SRPK2: variants seen among roughly 807,000 people sequenced by gnomAD.
SRPK2 encodes the protein SFRS protein kinase 2.
In SRPK2, 21 loss-of-function variants were observed where a neutral mutation model predicts 90.8. The ratio of observed to expected loss-of-function variants is 0.23; its 90% CI spans 0.16 to 0.33. SRPK2 has a LOEUF of 0.33. Ranked by LOEUF, SRPK2 falls within the 10% of genes least tolerant of loss-of-function variation. SRPK2 has a pLI of 1.00. For synonymous variants in SRPK2, 288 were observed against 311.1 expected (o/e 0.93, Z 0.78); for missense variants, 620 against 869.0 (o/e 0.71, Z 3.60).
intron 2 of SRPK2, among the ~76,000 whole-genome samples, chr7:105,299,243 G>C (rs1021053872): frequency 6.6e-6 from 1 of 152,194 alleles, no homozygotes; most frequent in African/African-American, 2.4e-5. Context: ...AACCTGCAAA[G>C]CTCTATCAAG....
chr7:105,140,712 C>G (rs906201401), intron 11 of SRPK2, among the ~76,000 whole-genome samples: 1 of 152,056 alleles, frequency 6.6e-6, no homozygotes, highest in Non-Finnish European at 1.5e-5. Context: ...CCTGTAATCC[C>G]AGCACTTTGG....
chr7:105,342,664 T>TCTCG (rs1815964858), intron 2 of SRPK2, among the ~76,000 whole-genome samples: 1 of 152,134 alleles, frequency 6.6e-6, no homozygotes, highest in African/African-American at 2.4e-5. Flanking sequence ...TCCACCTTGT[T>TCTCG]CTCGCTCTCC....
Position 105,142,291 on chromosome 7 carries a change from T to C in SRPK2, c.1260A>G (p.Pro420=). 6.2e-7 allele frequency: 1 copy of C among 1,614,204 alleles called. No homozygotes were observed. The highest frequency in any genetic ancestry group is 8.5e-7 in the Non-Finnish European group (1 of 1,180,034). ...CATCAAGATTATATTCCTCAGGATTTGGGCAGTCTTCTTCATCATCATCTT... is the reference window on the plus strand; with the variant it reads ...CATCAAGATTATATTCCTCAGGATTCGGGCAGTCTTCTTCATCATCATCTT... ...DDEDDDEEDC[P]NPEEYNLDEP... Residue 420 remains proline (P), a synonymous_variant, in exon 11 of 16, where the codon CCA becomes CCG. Coordinates refer to ENST00000393651, the MANE Select transcript of SRPK2 (RefSeq NM_182692.3).
chr7:105,310,941 T>C (rs540150310), intron 2 of SRPK2, among the ~76,000 whole-genome samples: 6 of 152,310 alleles, frequency 3.9e-5, no homozygotes, highest in South Asian at 2.1e-4. Flanking sequence ...TTAACGTCAA[T>C]TGCTTCAGAC....
intron 2 of SRPK2, among the ~76,000 whole-genome samples, chr7:105,369,256 C>T (rs748093469): frequency 4.2e-4 from 64 of 152,022 alleles, no homozygotes; most frequent in Non-Finnish European, 8.2e-4. Context: ...AAGCAATTCT[C>T]CTGCCTCAGC....
intron 9 of SRPK2, among the ~76,000 whole-genome samples, 171 bp downstream of exon 9, chr7:105,145,107 CAAAAA>C (rs10718877): frequency 9.3e-6 from 1 of 107,182 alleles, no homozygotes. Flanking sequence ...ACTCAGTTTT[CAAAAA>C]AAAAAAAAAA....
intron 2 of SRPK2, among the ~76,000 whole-genome samples, chr7:105,240,495 A>G (rs1463113949): frequency 6.6e-6 from 1 of 152,216 alleles, no homozygotes; most frequent in Non-Finnish European, 1.5e-5. Flanking sequence ...GAGTCCTAAG[A>G]ATATAGAAGA....
chr7:105,389,415 A>C, upstream of SRPK2: 1 of 1,220,658 alleles, frequency 8.2e-7, no homozygotes, highest in Non-Finnish European at 1.1e-6. Flanking sequence ...AGGGCACACG[A>C]CCAAAAGCTG....
intron 2 of SRPK2, among the ~76,000 whole-genome samples, chr7:105,286,984 G>A (rs530144659): frequency 7.9e-5 from 12 of 152,242 alleles, no homozygotes; most frequent in East Asian, 5.8e-4. Context: ...GATGCAGGCC[G>A]GGCGCGGTGG....
rs145135930 is a variant in SRPK2 at position 105,339,116 on chromosome 7, C to T, written c.71+49532G>A. ...TTGAAAGGACAGATATTCAAGTACG[C>T]GCCTTTGATCCATTCTTGCGTTAAT... On this transcript the variant is annotated intron_variant, in intron 2 of 15. Transcript: ENST00000393651. Among the ~76,000 whole-genome samples the T allele has an allele frequency of 3.1e-3, 468 of 152,224 alleles. 1 individual carries two copies. Among genetic ancestry groups the T allele is most frequent in the African/African-American group, 0.01 (425 of 41,532 alleles).
chr7:105,273,411 T>C (rs1563177285), intron 2 of SRPK2, among the ~76,000 whole-genome samples: 1 of 145,188 alleles, frequency 6.9e-6, no homozygotes, highest in African/African-American at 2.5e-5. Context: ...ACCCAACTCG[T>C]TTTTTCTTTT....
chr7:105,213,368 T>C (rs1008041307), intron 2 of SRPK2, among the ~76,000 whole-genome samples: 3 of 152,134 alleles, frequency 2.0e-5, no homozygotes, highest in Non-Finnish European at 4.4e-5. Flanking sequence ...AGCTGCAAAT[T>C]GAAGCAAAGG....
chr7:105,287,308 A>C (rs1190259008), intron 2 of SRPK2, among the ~76,000 whole-genome samples: 2 of 150,052 alleles, frequency 1.3e-5, no homozygotes, highest in East Asian at 3.9e-4. Context: ...CAGAAGATCC[A>C]CATGTACTGA....
chr7:105,328,181 C>G (rs77173363), intron 2 of SRPK2, among the ~76,000 whole-genome samples: 1 of 152,198 alleles, frequency 6.6e-6, no homozygotes, highest in East Asian at 1.9e-4. Flanking sequence ...AAATCCCCAA[C>G]TGCATCCAAA....
chr7:105,157,461 G>A (rs1182429745), intron 7 of SRPK2, among the ~76,000 whole-genome samples: 1 of 152,140 alleles, frequency 6.6e-6, no homozygotes, highest in Admixed American at 6.5e-5. Flanking sequence ...TGAATCAAAG[G>A]GGTTGAAGGG....
intron 2 of SRPK2, among the ~76,000 whole-genome samples, chr7:105,251,178 C>T (rs1197651370): frequency 6.6e-6 from 1 of 152,162 alleles, no homozygotes; most frequent in East Asian, 1.9e-4. Flanking sequence ...TACATCAATA[C>T]ACCTTTTCCT....
chr7:105,351,804 C>CAA (rs569215779), intron 2 of SRPK2, among the ~76,000 whole-genome samples: 5 of 94,698 alleles, frequency 5.3e-5, no homozygotes, highest in Admixed American at 2.2e-4. Flanking sequence ...GACTCCATCT[C>CAA]AAAAAAAAAA....
intron 2 of SRPK2, among the ~76,000 whole-genome samples, chr7:105,239,426 C>A (rs1041711736): frequency 3.9e-5 from 6 of 152,136 alleles, no homozygotes. Flanking sequence ...ATAGAGAGAA[C>A]AAAGGACATT....
chr7:105,290,176 AAC>A (rs1211122587), intron 2 of SRPK2, among the ~76,000 whole-genome samples: 1 of 144,936 alleles, frequency 6.9e-6, no homozygotes, highest in African/African-American at 2.5e-5. Flanking sequence ...TTACCAAACT[AAC>A]ACAGAGACAC....
Sources: allele counts gnomAD v4.1 joint callset (sites outside exome capture counted in the v4.1 genomes callset), GRCh38; gene constraint gnomAD v4.1.1; transcripts MANE v1.5; gene names NCBI Gene and HGNC (gene_info 2026-07-23, HGNC 2026-07-21).